The following DNAAF4 variants were observed in gnomAD, a reference collection of about 807,000 sequenced individuals.
The protein encoded by DNAAF4 is dynein assembly factor 4, axonemal.
A neutral mutation model predicts 51.8 loss-of-function variants in DNAAF4; 43 were observed. That is an observed-to-expected ratio of 0.83 (90% confidence interval 0.65 to 1.07). The LOEUF is 1.07. DNAAF4 is among the 50% of genes least tolerant of loss of function. The probability of loss-of-function intolerance (pLI) is 0.00; values close to 1 mark genes in which losing one functional copy is unlikely to be tolerated. For missense variants in DNAAF4, 581 were observed against 493.0 expected, an observed-to-expected ratio of 1.18 and a Z score of -1.69; for synonymous variants, 194 against 165.6, an observed-to-expected ratio of 1.17 and a Z score of -1.32.
chr15:55,433,990 T>TA (rs2057563073), intron 8 of DNAAF4, among the ~76,000 whole-genome samples: 3 of 35,670 alleles, frequency 8.4e-5, no homozygotes, highest in African/African-American at 2.5e-4. Flanking sequence ...ATATATAATA[T>TA]ATATAATATT....
chr15:55,484,524 T>A (rs2058460069), intron 4 of DNAAF4, among the ~76,000 whole-genome samples: 1 of 151,532 alleles, frequency 6.6e-6, no homozygotes, highest in East Asian at 1.9e-4. Flanking sequence ...CATTACCATA[T>A]GATCTGCTAT....
downstream of DNAAF4, among the ~76,000 whole-genome samples, chr15:55,426,215 T>G (rs530216749): frequency 1.3e-5 from 2 of 152,166 alleles, no homozygotes; most frequent in Non-Finnish European, 2.9e-5. Context: ...AAGTGCAGGG[T>G]CTGCAAAATA....
At chr15:55,457,095 C>T (rs979395996) in intron 5 of DNAAF4, among the ~76,000 whole-genome samples, 5 of 152,258 alleles carry the variant, frequency 3.3e-5, no homozygotes, top group African/African-American at 1.2e-4. Flanking sequence ...ATAGTGTGGG[C>T]AGGCAGGGAC....
At chr15:55,430,891 C>A (rs938913535) in intron 9 of DNAAF4, 112 bp from the exon 10 acceptor site, 10 of 782,690 alleles carry the variant, frequency 1.3e-5, no homozygotes, top group Non-Finnish European at 1.9e-5. Context: ...TGGTTCAGAA[C>A]AAGTACCAAG....
At chr15:55,498,898 C>T (rs1297721474) in intron 1 of DNAAF4, among the ~76,000 whole-genome samples, 2 of 133,560 alleles carry the variant, frequency 1.5e-5, no homozygotes, top group Non-Finnish European at 3.1e-5. Flanking sequence ...GAAACAAGAG[C>T]GAAACTCCGT....
chr15:55,429,197 G>A (rs1307501214), downstream of DNAAF4, among the ~76,000 whole-genome samples: 1 of 151,594 alleles, frequency 6.6e-6, no homozygotes, highest in Non-Finnish European at 1.5e-5. Flanking sequence ...ACTAAAGCCT[G>A]GGTTACAGAG....
intron 1 of DNAAF4, among the ~76,000 whole-genome samples, chr15:55,507,222 C>T (rs1045310634): frequency 1.9e-4 from 29 of 152,086 alleles, no homozygotes; most frequent in Non-Finnish European, 3.5e-4. Context: ...TAAAACTATA[C>T]AAACACTTCT....
intron 7 of DNAAF4, among the ~76,000 whole-genome samples, chr15:55,436,675 G>A (rs1179763903): frequency 3.9e-5 from 6 of 152,032 alleles, no homozygotes; most frequent in South Asian, 2.1e-4. Flanking sequence ...GTGAGCCACC[G>A]TGCCCAGCCA....
chr15:55,446,073 T>G (rs1300993662), intron 6 of DNAAF4, among the ~76,000 whole-genome samples: 12 of 81,614 alleles, frequency 1.5e-4, no homozygotes, highest in South Asian at 4.6e-4. Flanking sequence ...CCAGATGGGG[T>G]GGCGGCCGGG....
intron 5 of DNAAF4, among the ~76,000 whole-genome samples, chr15:55,463,004 T>C (rs2058115412): frequency 6.6e-6 from 1 of 152,116 alleles, no homozygotes; most frequent in Non-Finnish European, 1.5e-5. Context: ...AAACCCTGTC[T>C]CTACTAAAAA....
intron 5 of DNAAF4, among the ~76,000 whole-genome samples, chr15:55,452,652 T>A (rs1027873317): frequency 1.1e-4 from 17 of 152,178 alleles, no homozygotes; most frequent in African/African-American, 3.4e-4. Flanking sequence ...AAAGGTAAAA[T>A]GTTATGAACA....
chr15:55,483,095 T>C (rs1299504351), intron 4 of DNAAF4, among the ~76,000 whole-genome samples: 2 of 151,908 alleles, frequency 1.3e-5, no homozygotes, highest in South Asian at 2.1e-4. Context: ...TCTTTATTTA[T>C]TTATTTATTT....
intron 5 of DNAAF4, among the ~76,000 whole-genome samples, chr15:55,452,621 G>A (rs970274522): frequency 1.3e-5 from 2 of 152,020 alleles, no homozygotes; most frequent in African/African-American, 2.4e-5. Flanking sequence ...TTACTACAAA[G>A]TTTTACATGC....
At chr15:55,421,940 TA>T in intron 7 of DNAAF4, among the ~76,000 whole-genome samples, 1 of 127,308 alleles carries the variant, frequency 7.9e-6, no homozygotes, top group South Asian at 2.7e-4. Flanking sequence ...ATAATAATAA[TA>T]ATAAAGGTCC....
intron 6 of DNAAF4, among the ~76,000 whole-genome samples, chr15:55,440,467 C>T (rs1313616447): frequency 1.3e-5 from 2 of 152,092 alleles, no homozygotes; most frequent in Admixed American, 1.3e-4. Context: ...CAAGCTCTGC[C>T]TCCCAGGTTC....
chr15:55,497,801 C>T lies in DNAAF4; in HGVS notation c.182G>A (p.Ser61Asn), dbSNP rs1247138546. Residue 61 changes from serine (S) to asparagine (N), a missense_variant, in exon 3 of 10, where the codon AGC (serine) becomes AAC (asparagine). By Grantham distance (46) the Ser-to-Asn change is conservative. Coordinates refer to ENST00000321149, the MANE Select transcript of DNAAF4 (RefSeq NM_130810.4). The stretch of plus-strand genomic sequence containing the variant: ...GTCATTCCCAATCTTTGCTTTGCTG[C>T]TCTCATCGTCTATGGGAGCATAAAG... ...AFLYAPIDDE[S>N]SKAKIGNDTI... 1 of 1,613,610 alleles carries T rather than the reference C, an allele frequency of 6.2e-7. No homozygotes were observed. The highest frequency in any genetic ancestry group is 1.7e-5 in the Admixed American group (1 of 60,004).
In DNAAF4 at chr15:55,473,198, A is replaced by AAAATATATATATATAT. The variant is rs1209754897; in HGVS notation, c.406-6038_406-6037insATATATATATATATTT. Among the ~76,000 whole-genome samples, 3 of 75,750 alleles carry AAAATATATATATATAT rather than the reference A, an allele frequency of 4.0e-5. 1 individual carries two copies. Among genetic ancestry groups the AAAATATATATATATAT allele is most frequent in the African/African-American group, 1.6e-4 (3 of 18,650 alleles). 49.7% of individuals were successfully genotyped at this position (75,750 alleles called of 152,430 possible). ...ACAAAAAAAAAACCTAAAAAAAAAA[A>AAAATATATATATATAT]ATATATATATATATATATATATATG... On this transcript the variant is annotated intron_variant, in intron 4 of 9. Coordinates refer to ENST00000321149, the MANE Select transcript of DNAAF4 (RefSeq NM_130810.4).
chr15:55,422,164 A>G (rs2057394031), intron 7 of DNAAF4, among the ~76,000 whole-genome samples: 1 of 152,084 alleles, frequency 6.6e-6, no homozygotes, highest in South Asian at 2.1e-4. Context: ...ATGCCAAGTG[A>G]TAAGTGTTAC....
intron 7 of DNAAF4, among the ~76,000 whole-genome samples, chr15:55,419,014 T>A (rs2057364733): frequency 6.7e-6 from 1 of 149,968 alleles, no homozygotes; most frequent in Admixed American, 6.8e-5. Context: ...CCTCCCAGGT[T>A]CAAGCGATTT....
Sources: allele counts gnomAD v4.1 joint callset (sites outside exome capture counted in the v4.1 genomes callset), GRCh38; gene constraint gnomAD v4.1.1; transcripts MANE v1.5; gene names NCBI Gene and HGNC (gene_info 2026-07-23, HGNC 2026-07-21).